The following WNT2 variants were observed in gnomAD, a reference collection of about 807,000 sequenced individuals.
WNT2 encodes Wnt family member 2.
WNT2 carries 12 observed loss-of-function variants against 36.9 expected under a neutral mutation model. The ratio of observed to expected loss-of-function variants is 0.33; its 90% confidence interval spans 0.21 to 0.53. The LOEUF (loss-of-function observed/expected upper bound fraction) is 0.53, where lower values mean the gene tolerates loss of function less well. Ranked by LOEUF, WNT2 falls within the 20% of genes least tolerant of loss-of-function variation. The pLI, the probability that WNT2 is intolerant of heterozygous loss-of-function variation, is 0.95. For missense variants in WNT2, 379 were observed against 473.1 expected (o/e 0.80, Z 1.84); for synonymous variants, 163 against 174.6 (o/e 0.93, Z 0.52).
At chr7:117,288,286 G>A (rs1215082546) in intron 4 of WNT2, among the ~76,000 whole-genome samples, 1 of 152,102 alleles carries the variant, frequency 6.6e-6, no homozygotes, top group Non-Finnish European at 1.5e-5. Context: ...TGAATCAAAG[G>A]AACCTTAGAA....
At chr7:117,293,708 T>C (rs1794733729) in intron 4 of WNT2, among the ~76,000 whole-genome samples, 1 of 151,966 alleles carries the variant, frequency 6.6e-6, no homozygotes, top group Non-Finnish European at 1.5e-5. Flanking sequence ...CACCAGAAAA[T>C]AGGCCTTTCC....
At chr7:117,300,740 A>T (rs1794889284) in intron 3 of WNT2, 1 of 152,318 alleles carries the variant, frequency 6.6e-6, no homozygotes, top group African/African-American at 2.4e-5. Flanking sequence ...TTGAGGCTGC[A>T]GTGAGCTATG....
chr7:117,299,309 T>TC (rs150036439), intron 3 of WNT2, among the ~76,000 whole-genome samples: 165 of 152,268 alleles, frequency 1.1e-3, no homozygotes, highest in Non-Finnish European at 2.0e-3. Flanking sequence ...CCAGGAGCTG[T>TC]CCCTCCTAAG....
At position 117,320,656 on chromosome 7, in the gene WNT2, G is replaced by T; in HGVS notation, c.221C>A (p.Ala74Glu). The change falls in exon 2 of 5, where the codon GCA becomes GAA. Residue 74 changes from alanine (A) to glutamate (E), a missense_variant. Physicochemically the swap from Ala to Glu is moderately radical, Grantham distance 107. Transcript: ENST00000265441. ...AISQGVAEWTAECQHQFRQHR... is the reference protein window; with the variant it reads ...AISQGVAEWTEECQHQFRQHR... ...CTGGCGGAACTGGTGCTGGCATTCTGCTGTCCACTCGGCCACGCCCTGGCT... is the reference window on the plus strand; with the variant it reads ...CTGGCGGAACTGGTGCTGGCATTCTTCTGTCCACTCGGCCACGCCCTGGCT... 1 of 1,613,960 alleles carries T rather than the reference G, an allele frequency of 6.2e-7. No homozygotes were observed. Among genetic ancestry groups the T allele is most frequent in the Non-Finnish European group, 8.5e-7 (1 of 1,179,936 alleles).
At chr7:117,310,024 C>T (rs1795092066) in intron 3 of WNT2, among the ~76,000 whole-genome samples, 1 of 152,046 alleles carries the variant, frequency 6.6e-6, no homozygotes, top group Non-Finnish European at 1.5e-5. Flanking sequence ...AAGTGATCCT[C>T]CCACCTCAGC....
chr7:117,311,409 CG>C (rs1279379694), intron 3 of WNT2, among the ~76,000 whole-genome samples: 1 of 152,102 alleles, frequency 6.6e-6, no homozygotes, highest in Non-Finnish European at 1.5e-5. Flanking sequence ...AGAACAGGAG[CG>C]GATGTGAACT....
In WNT2 at chr7:117,315,252, G is replaced by C. The variant is rs148782147; in HGVS notation, c.407C>G (p.Ser136Cys). ...GCTTCCCATCTTCTTTGGATCACAG[G>C]AACAGGATTTTACTTCTCCTTGGCT... The part of the protein sequence containing the change: ...ACSQGEVKSC[S>C]CDPKKMGSAK... The change falls in exon 3 of 5, where the codon TCC (serine) becomes TGC (cysteine). Residue 136 changes from serine to cysteine, a missense_variant. Coordinates refer to ENST00000265441, the MANE Select transcript of WNT2 (RefSeq NM_003391.3). The C allele has an allele frequency of 8.8e-5, 142 of 1,614,138 alleles. No individual in the cohort carries two copies. The highest frequency in any genetic ancestry group is 1.2e-4 in the Non-Finnish European group (137 of 1,180,012).
In WNT2 at chr7:117,276,428, C is replaced by T. The variant is rs1327451588; in HGVS notation, c.*1727G>A. The stretch of plus-strand genomic sequence containing the variant: ...TTCCACTGTTCCCACCATCCGAATC[C>T]ATAGAATAAAAGGAGGAAAGAGTCA... On this transcript the variant is annotated 3_prime_UTR_variant, in exon 5 of 5. Transcript: ENST00000265441. Among the ~76,000 whole-genome samples the T allele has an allele frequency of 6.6e-6, 1 of 152,194 alleles. No homozygotes were observed. The highest frequency in any genetic ancestry group is 1.5e-5 in the Non-Finnish European group (1 of 68,052).
At chr7:117,308,121 T>C (rs1795046620) in intron 3 of WNT2, among the ~76,000 whole-genome samples, 1 of 152,224 alleles carries the variant, frequency 6.6e-6, no homozygotes, top group Non-Finnish European at 1.5e-5. Context: ...ATCTCTCAGA[T>C]AGAAGTTACT....
rs1476529925 is a variant in WNT2, at chr7:117,323,054, G to A, written c.-65C>T. Reference sequence around the variant, plus strand: ...GCGGGCGCCATGCGTGCCCAGAGCAGAAGCGCTCAGCTCCGGGAGCGCCTC... The same window carrying A: ...GCGGGCGCCATGCGTGCCCAGAGCAAAAGCGCTCAGCTCCGGGAGCGCCTC... On this transcript the variant is annotated 5_prime_UTR_variant, in exon 1 of 5. Transcript: ENST00000265441. 16 of 1,419,516 alleles carry A rather than the reference G, an allele frequency of 1.1e-5. No individual in the cohort carries two copies. Among genetic ancestry groups the A allele is most frequent in the Non-Finnish European group, 1.5e-5 (16 of 1,056,340 alleles). The allele number at this position is 1,419,516 out of a possible 1,614,324, so 87.9% of individuals were successfully genotyped here.
At chr7:117,287,129 A>G (rs1794596209) in intron 4 of WNT2, among the ~76,000 whole-genome samples, 1 of 152,160 alleles carries the variant, frequency 6.6e-6, no homozygotes, top group South Asian at 2.1e-4. Context: ...CAGGCGGATC[A>G]CAAGTTCATG....
chr7:117,295,486 T>C (rs1794773060), intron 4 of WNT2, among the ~76,000 whole-genome samples: 2 of 146,316 alleles, frequency 1.4e-5, no homozygotes, highest in Admixed American at 1.4e-4. Flanking sequence ...ATCACCTCTG[T>C]GGGGTAAAAA....
rs192104280 is a variant in WNT2 at position 117,311,165 on chromosome 7, A to T, written c.588+3906T>A. 2.2e-3 allele frequency among the ~76,000 whole-genome samples: 330 copies of T among 152,328 alleles called. 3 individuals carry two copies. The highest frequency in any genetic ancestry group is 3.3e-3 in the Non-Finnish European group (224 of 68,024). On this transcript the variant is annotated intron_variant, in intron 3 of 4. Transcript: ENST00000265441. ...CTAAATTGGTTTGGGTGTGCTCACG[A>T]TGACTGGCAGTTAGGTTTTCAGCAC...
At chr7:117,286,196 C>T (rs1355793001) in intron 4 of WNT2, among the ~76,000 whole-genome samples, 5 of 152,098 alleles carry the variant, frequency 3.3e-5, no homozygotes, top group Non-Finnish European at 7.4e-5. Flanking sequence ...TTTGGTGGAG[C>T]AATGCCGAGG....
At chr7:117,289,965 G>A (rs1794657288) in intron 4 of WNT2, among the ~76,000 whole-genome samples, 1 of 152,166 alleles carries the variant, frequency 6.6e-6, no homozygotes, top group African/African-American at 2.4e-5. Context: ...GTTTATGCTT[G>A]ACCATGGAAG....
intron 3 of WNT2, chr7:117,300,951 T>A (rs1191275488): frequency 6.6e-6 from 1 of 152,224 alleles, no homozygotes; most frequent in Admixed American, 6.5e-5. Flanking sequence ...GATGTGAAGA[T>A]CTGGGTTCTG....
chr7:117,321,980 A>C (rs186618844), intron 1 of WNT2: 14 of 152,294 alleles, frequency 9.2e-5, no homozygotes, highest in Admixed American at 7.8e-4. Context: ...GAGACCCCTT[A>C]CCAGATTCTT....
Position 117,312,582 on chromosome 7 carries a change from G to T in WNT2, c.588+2489C>A, listed in dbSNP as rs965393220. On this transcript the variant is annotated intron_variant, in intron 3 of 4. Coordinates refer to ENST00000265441, the MANE Select transcript of WNT2 (RefSeq NM_003391.3). ...AAGGATGCTATAGAATTTCCTTCCTGATAGAATATTTGTTTTGAACAAGAC... is the reference window on the plus strand; with the variant it reads ...AAGGATGCTATAGAATTTCCTTCCTTATAGAATATTTGTTTTGAACAAGAC... Among the ~76,000 whole-genome samples the T allele has an allele frequency of 3.3e-5, 5 of 152,186 alleles. No individual in the cohort carries two copies. The East Asian group carries it at 9.6e-4, about 29-fold the overall frequency.
intron 3 of WNT2, among the ~76,000 whole-genome samples, chr7:117,299,075 C>T (rs551684071): frequency 1.3e-5 from 2 of 152,370 alleles, no homozygotes; most frequent in South Asian, 4.1e-4. Flanking sequence ...ATGTGCTTAG[C>T]TTGGCTCTCC....
Sources: gnomAD v4.1 joint callset for allele counts (sites outside exome capture counted in the v4.1 genomes callset) on GRCh38, gnomAD v4.1.1 for gene constraint, MANE v1.5 for transcripts, NCBI Gene and HGNC (gene_info 2026-07-23, HGNC 2026-07-21) for gene names.